Variants in RANBP2 observed in about 807,000 individuals in gnomAD.
RANBP2 encodes E3 SUMO-protein ligase RanBP2.
A neutral mutation model predicts 303.6 loss-of-function variants in RANBP2; 57 were observed. That is an observed-to-expected ratio of 0.19 (90% CI 0.15 to 0.23). The LOEUF is 0.23. RANBP2 is among the 10% of genes least tolerant of loss of function. The pLI, the probability that RANBP2 is intolerant of heterozygous loss-of-function variation, is 1.00. For synonymous variants in RANBP2, 1,167 were observed against 1,301.5 expected, an observed-to-expected ratio of 0.90 and a Z score of 2.23; for missense variants, 3,138 against 3,780.8, an observed-to-expected ratio of 0.83 and a Z score of 4.46.
intron 4 of RANBP2, among the ~76,000 whole-genome samples, chr2:108,733,103 C>T (rs1695304959): frequency 6.6e-6 from 1 of 152,016 alleles, no homozygotes; most frequent in Non-Finnish European, 1.5e-5. Context: ...GGATTACAGG[C>T]GTGAGCCACT....
chr2:108,880,224 CAAA>C, the RANBP2 span, among the ~76,000 whole-genome samples: 432 of 50,478 alleles, frequency 8.6e-3, no homozygotes, highest in East Asian at 0.015. Context: ...CAAAAACAAA[CAAA>C]AAAAAAAACG....
chr2:109,325,006 C>T, the RANBP2 span, among the ~76,000 whole-genome samples: 105 of 152,044 alleles, frequency 6.9e-4, no homozygotes, highest in African/African-American at 2.0e-3. Context: ...CTGGGAGAGG[C>T]CTTTGGCTTG....
the RANBP2 span, among the ~76,000 whole-genome samples, chr2:109,279,928 G>T: frequency 6.6e-6 from 1 of 151,864 alleles, no homozygotes; most frequent in Non-Finnish European, 1.5e-5. Context: ...ATTGGGGGGC[G>T]GTAAGAGGTG....
At chr2:109,683,438 T>C in the RANBP2 span, among the ~76,000 whole-genome samples, 4 of 152,328 alleles carry the variant, frequency 2.6e-5, no homozygotes, top group Admixed American at 1.3e-4. Flanking sequence ...GTTGATCCAG[T>C]GAACCTTCTG....
At chr2:109,503,074 A>G in the RANBP2 span, 1 of 152,124 alleles carries the variant, frequency 6.6e-6, no homozygotes, top group South Asian at 2.1e-4. Context: ...TGATGAATGT[A>G]TATTCATTAG....
At chr2:108,894,678 A>T in the RANBP2 span, 1 of 152,532 alleles carries the variant, frequency 6.6e-6, no homozygotes, top group Non-Finnish European at 1.5e-5. Context: ...GGTCAGTGAG[A>T]ATTATTATGA....
chr2:108,994,806 A>C, the RANBP2 span, among the ~76,000 whole-genome samples: 2 of 112,082 alleles, frequency 1.8e-5, no homozygotes, highest in East Asian at 4.9e-4. Context: ...ATATATATAT[A>C]TATATATATA....
At chr2:109,725,185 C>T in the RANBP2 span, among the ~76,000 whole-genome samples, 4 of 152,112 alleles carry the variant, frequency 2.6e-5, no homozygotes, top group African/African-American at 9.7e-5. Context: ...ACAGTGAACA[C>T]AGGGGTGACT....
chr2:108,842,779 GA>G, the RANBP2 span, among the ~76,000 whole-genome samples: 2 of 152,166 alleles, frequency 1.3e-5, no homozygotes, highest in Admixed American at 1.3e-4. Context: ...CTTCTAGGGT[GA>G]AAAAGTCCAA....
Position 108,765,868 on chromosome 2 carries a change from G to A in RANBP2, c.5329G>A (p.Gly1777Arg), listed in dbSNP as rs1365063592. Reference protein sequence around the residue: ...ISKAPKSGFEGMFIRKGQWDC... With the variant: ...ISKAPKSGFERMFIRKGQWDC... ...CAAGGCTCCAAAGAGTGGATTTGAA[G>A]GAATGTTCATCAGGAAAGGACAGTG... Residue 1777 changes from glycine (G) to arginine (R), a missense_variant, in exon 20 of 29, where the codon GGA (glycine) becomes AGA (arginine). Around this residue, in one of 20 missense-constraint regions of RANBP2, gnomAD observed 348 missense variants for 360.4 expected, o/e 0.97. Transcript: ENST00000283195. 1 of 1,613,968 alleles carries A rather than the reference G, an allele frequency of 6.2e-7. No individual in the cohort carries two copies. The highest frequency in any genetic ancestry group is 1.3e-5 in the African/African-American group (1 of 74,914).
At chr2:108,941,195 C>G in the RANBP2 span, among the ~76,000 whole-genome samples, 7 of 152,198 alleles carry the variant, frequency 4.6e-5, no homozygotes, top group Non-Finnish European at 7.3e-5. Flanking sequence ...GAATCGTATT[C>G]CACTGCATTC....
the RANBP2 span, among the ~76,000 whole-genome samples, chr2:109,505,007 C>T: frequency 6.6e-6 from 1 of 152,308 alleles, no homozygotes; most frequent in African/African-American, 2.4e-5. Context: ...CTTTTCTTGT[C>T]ATTATTCAAG....
the RANBP2 span, among the ~76,000 whole-genome samples, chr2:109,536,052 TG>T: frequency 0.52 from 45,487 of 87,432 alleles, 8,115 homozygotes; most frequent in Admixed American, 0.59. Flanking sequence ...TGGGTGGGGG[TG>T]GGGGGGGGGT....
At chr2:109,236,657 T>C in the RANBP2 span, among the ~76,000 whole-genome samples, 7 of 152,154 alleles carry the variant, frequency 4.6e-5, no homozygotes, top group South Asian at 2.1e-4. Context: ...ATGGGGAGAT[T>C]AAAGACGCCT....
In RANBP2 at chr2:108,772,546, C is replaced by T. The variant is rs752915479; in HGVS notation, c.8078C>T (p.Ser2693Leu). The stretch of plus-strand genomic sequence containing the variant: ...AATGGAAAACTATATTTGGATGGCT[C>T]AGAAAAATGTAGACCCTTGGAAGAA... ...KLNGKLYLDG[S>L]EKCRPLEENT... is the part of the protein sequence containing the mutation. Residue 2693 changes from serine (S) to leucine (L), a missense_variant, in exon 22 of 29, where the codon TCA (serine) becomes TTA (leucine). By Grantham distance (145) the Ser-to-Leu change is moderately radical. Transcript: ENST00000283195. 8.7e-6 allele frequency: 14 copies of T among 1,613,596 alleles called. 1 individual carries two copies. The East Asian group carries it at 3.1e-4, about 36-fold the overall frequency.
the RANBP2 span, among the ~76,000 whole-genome samples, chr2:108,823,689 G>T: frequency 3.3e-5 from 5 of 152,262 alleles, no homozygotes; most frequent in Non-Finnish European, 5.9e-5. Flanking sequence ...GATAAAAAAG[G>T]GTGCACCTGG....
chr2:109,155,081 G>A, the RANBP2 span, among the ~76,000 whole-genome samples: 5 of 152,172 alleles, frequency 3.3e-5, no homozygotes, highest in African/African-American at 7.2e-5. Context: ...GCCTCCCTCC[G>A]GGCCAGGGCA....
the RANBP2 span, among the ~76,000 whole-genome samples, chr2:109,397,100 G>T: frequency 2.0e-5 from 3 of 152,154 alleles, no homozygotes; most frequent in African/African-American, 7.2e-5. Context: ...TGCTGCTGCA[G>T]AGACCCTGTA....
At chr2:108,878,620 G>A in the RANBP2 span, among the ~76,000 whole-genome samples, 3 of 152,194 alleles carry the variant, frequency 2.0e-5, no homozygotes, top group Non-Finnish European at 4.4e-5. Flanking sequence ...CAGTAGTAGG[G>A]TGGTTTAGTA....
Sources: allele counts gnomAD v4.1 joint callset (sites outside exome capture counted in the v4.1 genomes callset), GRCh38; gene constraint gnomAD v4.1.1; regional missense constraint gnomAD v4.1.1; transcripts MANE v1.5; gene names NCBI Gene and HGNC (gene_info 2026-07-23, HGNC 2026-07-21).